The following ADGRG1 variants were observed in gnomAD, a reference collection of about 807,000 sequenced individuals.
ADGRG1 encodes the protein adhesion G protein-coupled receptor G1, also known as 7-transmembrane protein with no EGF-like N-terminal domains-1.
Under a neutral mutation model 73.5 loss-of-function variants are expected in ADGRG1, and 53 were observed. That is an observed-to-expected ratio of 0.72 (90% CI 0.58 to 0.91). The LOEUF is 0.91. Ranked by LOEUF, ADGRG1 falls within the 40% of genes least tolerant of loss-of-function variation. The probability of loss-of-function intolerance (pLI) is 0.00; values close to 1 mark genes in which losing one functional copy is unlikely to be tolerated. For synonymous variants in ADGRG1, 394 were observed against 374.4 expected, an observed-to-expected ratio of 1.05 and a Z score of -0.60; for missense variants, 795 against 871.8, an observed-to-expected ratio of 0.91 and a Z score of 1.11.
intron 12 of ADGRG1, 146 bp from the exon 13 acceptor site, chr16:57,661,549 ATT>A: frequency 6.7e-7 from 1 of 1,492,890 alleles, no homozygotes. Flanking sequence ...ACTCAAATGT[ATT>A]TTTAAAATTA....
chr16:57,644,999 C>A, intron 1 of ADGRG1: 1 of 879,358 alleles, frequency 1.1e-6, no homozygotes, highest in Non-Finnish European at 1.4e-6. Flanking sequence ...CACACACATG[C>A]ACACTCATGC....
At chr16:57,653,733 C>A in intron 4 of ADGRG1, 1 of 892,702 alleles carries the variant, frequency 1.1e-6, no homozygotes, top group Non-Finnish European at 1.3e-6. Context: ...TCTCCTTTCC[C>A]TTGGCTCCCA....
upstream of ADGRG1, chr16:57,625,600 C>A: frequency 1.0e-6 from 1 of 982,496 alleles, no homozygotes; most frequent in African/African-American, 1.7e-5. Context: ...GGCGTCTAGA[C>A]CAGGGCTTCT....
rs543264768 is a variant in ADGRG1 at position 57,631,189 on chromosome 16, A to G, written c.-36+2387A>G. 47 of 986,772 alleles carry G rather than the reference A, an allele frequency of 4.8e-5. 2 individuals carry two copies. The South Asian group carries it at 2.0e-3, about 41-fold the overall frequency. 61.1% of individuals were successfully genotyped at this position (986,772 alleles called of 1,614,324 possible). A position where few individuals can be genotyped will look rare whatever the true frequency, so the allele number is the denominator to read the frequency against. ...AGGTGGCGCCCAGTCGAGGGGAAGG[A>G]CAGGAGAGAGGTGGCAGAGCTGCAG... On this transcript the variant is annotated intron_variant, in intron 1 of 13. Transcript: ENST00000562631.
At chr16:57,655,779 G>A (rs1328082035) in intron 6 of ADGRG1, 97 bp from the exon 7 acceptor site, 1 of 1,612,330 alleles carries the variant, frequency 6.2e-7, no homozygotes, top group Admixed American at 1.7e-5. Context: ...GCAATGTGCT[G>A]GGAGAGGGTT....
chr16:57,628,367 G>C (rs576463476), upstream of ADGRG1: 3 of 382,222 alleles, frequency 7.8e-6, no homozygotes, highest in Admixed American at 1.9e-4. Flanking sequence ...AGTGATCCCC[G>C]GCCCCTTCCT....
intron 1 of ADGRG1, chr16:57,631,652 G>T (rs2037948678): frequency 2.0e-6 from 2 of 985,500 alleles, no homozygotes; most frequent in Admixed American, 6.1e-5. Context: ...GCAGTCAGGG[G>T]TGACCAGACA....
Position 57,663,839 on chromosome 16 carries a change from C to T in ADGRG1, c.*257C>T. On this transcript the variant is annotated 3_prime_UTR_variant, in exon 14 of 14. Coordinates refer to ENST00000562631, the MANE Select transcript of ADGRG1 (RefSeq NM_201525.4). Reference sequence around the variant, plus strand: ...GCCGCCATGCTGCCTAGGGTACTGTCCCCACATCTGTCCCAACCCAGCTGG... The same window carrying T: ...GCCGCCATGCTGCCTAGGGTACTGTTCCCACATCTGTCCCAACCCAGCTGG... The T allele has an allele frequency of 3.6e-6, 2 of 560,288 alleles. No homozygotes were observed. The highest frequency in any genetic ancestry group is 2.0e-5 in the South Asian group (1 of 50,306). The allele number at this position is 560,288 out of a possible 1,614,324, so 34.7% of individuals were successfully genotyped here.
intron 1 of ADGRG1, chr16:57,636,435 A>G (rs2039386887): frequency 1.0e-6 from 1 of 985,228 alleles, no homozygotes; most frequent in Non-Finnish European, 1.2e-6. Flanking sequence ...TTCAGATCCT[A>G]TCAGGCTATG....
chr16:57,627,113 C>A, upstream of ADGRG1: 3 of 959,706 alleles, frequency 3.1e-6, no homozygotes, highest in Middle Eastern at 5.4e-4. Flanking sequence ...CTCCCTGCAC[C>A]CCACGGGGTG....
intron 1 of ADGRG1, chr16:57,629,328 A>G (rs926986952): frequency 5.0e-6 from 1 of 201,000 alleles, no homozygotes; most frequent in African/African-American, 2.4e-5. Flanking sequence ...TTGCTGGAGA[A>G]ACTGAGGCTC....
Position 57,656,659 on chromosome 16 carries a change from G to A in ADGRG1, c.1167+42G>A, listed in dbSNP as rs754668486. The A allele has an allele frequency of 1.1e-4, 129 of 1,182,998 alleles. No homozygotes were observed. The Admixed American group carries it at 1.8e-3, about 17-fold the overall frequency. 73.3% of individuals were successfully genotyped at this position (1,182,998 alleles called of 1,614,324 possible). A position where few individuals can be genotyped will look rare whatever the true frequency, so the allele number is the denominator to read the frequency against. Reference sequence around the variant, plus strand: ...CCACCTCGCAGCCACACCCCAGGCCGTGTGCTTGTTCTGTGCAAGCACTTT... The same window carrying A: ...CCACCTCGCAGCCACACCCCAGGCCATGTGCTTGTTCTGTGCAAGCACTTT... On this transcript the variant is annotated intron_variant, in intron 9 of 13. Transcript: ENST00000562631.
At chr16:57,630,858 C>T (rs2147269973) in intron 1 of ADGRG1, 1 of 723,464 alleles carries the variant, frequency 1.4e-6, no homozygotes, top group African/African-American at 1.9e-5. Flanking sequence ...CTTAGGAAAA[C>T]ATTTGGGGAA....
At chr16:57,621,366 G>C (rs1298549032) in exon 2 of ADGRG1, 2 of 152,186 alleles carry the variant, frequency 1.3e-5, no homozygotes, top group Admixed American at 6.5e-5. Context: ...ATTTTACCAA[G>C]AGAGAAGTGG....
intron 1 of ADGRG1, among the ~76,000 whole-genome samples, chr16:57,633,913 T>C (rs540279306): frequency 6.6e-6 from 1 of 152,334 alleles, no homozygotes; most frequent in East Asian, 1.9e-4. Flanking sequence ...CCCCGAGGCA[T>C]TGTCCAGCCT....
chr16:57,644,719 ACGCAC>A (rs1247424584), intron 1 of ADGRG1, among the ~76,000 whole-genome samples: 1 of 59,852 alleles, frequency 1.7e-5, no homozygotes, highest in Non-Finnish European at 3.4e-5. Flanking sequence ...CACTGATCAC[ACGCAC>A]TGGCACACAC....
At position 57,651,531 on chromosome 16, in the gene ADGRG1, C is replaced by T. The variant is rs1182598482; in HGVS notation, c.396C>T (p.Gly132=). ...FQHQEESLAQ[G]PPLLATSVTS... ...ACCAGGAGGAGAGCCTGGCTCAGGG[C>T]CCCCCGCTGTTAGCCACTTCTGTCA... Residue 132 remains glycine (G), a synonymous_variant, in exon 3 of 14, where the codon GGC becomes GGT. Coordinates refer to ENST00000562631, the MANE Select transcript of ADGRG1 (RefSeq NM_201525.4). 3 of 1,614,178 alleles carry T rather than the reference C, an allele frequency of 1.9e-6. No individual in the cohort carries two copies. The highest frequency in any genetic ancestry group is 1.7e-6 in the Non-Finnish European group (2 of 1,179,996).
intron 11 of ADGRG1, 23 bp downstream of exon 11, chr16:57,659,704 C>A: frequency 6.2e-7 from 1 of 1,612,496 alleles, no homozygotes; most frequent in Non-Finnish European, 8.5e-7. Context: ...GCGGGGGGTG[C>A]CTCAGACCTG....
chr16:57,621,512 G>A (rs2034812658), intron 2 of ADGRG1: 1 of 152,186 alleles, frequency 6.6e-6, no homozygotes, highest in Non-Finnish European at 1.5e-5. Context: ...TAGGGAGTGG[G>A]GGTGGAGGTG....
Sources: allele counts gnomAD v4.1 joint callset (sites outside exome capture counted in the v4.1 genomes callset), GRCh38; gene constraint gnomAD v4.1.1; transcripts MANE v1.5; gene names NCBI Gene and HGNC (gene_info 2026-07-23, HGNC 2026-07-21).